Variants in ADGRB3 observed in about 807,000 individuals in gnomAD.
ADGRB3 encodes the protein brain-specific angiogenesis inhibitor 3.
ADGRB3 carries 37 observed loss-of-function variants against 193.4 expected under a neutral mutation model. The ratio of observed to expected loss-of-function variants is 0.19; its 90% CI spans 0.15 to 0.25. The LOEUF (loss-of-function observed/expected upper bound fraction) is 0.25, where lower values mean the gene tolerates loss of function less well. ADGRB3 is among the 10% of genes least tolerant of loss of function. The pLI is 1.00. For synonymous variants in ADGRB3, 690 were observed against 644.2 expected, an observed-to-expected ratio of 1.07 and a Z score of -1.08; for missense variants, 1,637 against 1,852.9, an observed-to-expected ratio of 0.88 and a Z score of 2.14.
At chr6:68,649,075 A>G (rs1768285550) in intron 3 of ADGRB3, among the ~76,000 whole-genome samples, 1 of 152,136 alleles carries the variant, frequency 6.6e-6, no homozygotes, top group Admixed American at 6.5e-5. Flanking sequence ...AGAATACTCT[A>G]AAAATCATGG....
chr6:68,644,420 A>T (rs1768155615), intron 3 of ADGRB3, among the ~76,000 whole-genome samples: 1 of 152,116 alleles, frequency 6.6e-6, no homozygotes, highest in South Asian at 2.1e-4. Context: ...AAATGGTAAG[A>T]AAATTAGCCA....
chr6:69,170,636 C>T (rs758605852), intron 17 of ADGRB3, among the ~76,000 whole-genome samples: 74 of 152,144 alleles, frequency 4.9e-4, no homozygotes, highest in Non-Finnish European at 3.8e-4. Flanking sequence ...GTAAACAATT[C>T]ACTCTGATAT....
chr6:69,283,480 C>T (rs993850517), intron 20 of ADGRB3, among the ~76,000 whole-genome samples: 3 of 152,096 alleles, frequency 2.0e-5, no homozygotes, highest in African/African-American at 7.2e-5. Flanking sequence ...CTTCTTCACT[C>T]CACCAGGCAA....
chr6:68,979,943 T>C (rs1364727524), intron 10 of ADGRB3, among the ~76,000 whole-genome samples: 1 of 151,404 alleles, frequency 6.6e-6, no homozygotes, highest in African/African-American at 2.4e-5. Context: ...TGGCAGAATG[T>C]ATGCCCCTGT....
chr6:69,227,911 A>G (rs1032791325), intron 17 of ADGRB3, among the ~76,000 whole-genome samples: 11 of 152,344 alleles, frequency 7.2e-5, no homozygotes, highest in Admixed American at 4.6e-4. Flanking sequence ...CGACAAAAAC[A>G]ATCTGTCTAG....
intron 3 of ADGRB3, among the ~76,000 whole-genome samples, chr6:68,694,980 G>A (rs910769583): frequency 1.3e-5 from 2 of 151,992 alleles, no homozygotes; most frequent in Admixed American, 6.6e-5. Context: ...CCTCTTACGA[G>A]GTAATAGGCA....
rs537887228 is a variant in ADGRB3 at position 69,374,689 on chromosome 6, A to C, written c.4275+2248A>C. ...GCTTTCTGGAAACTATACAGAAAAT[A>C]CTGTAGTGATATTCTTGTGTTCTGT... is the stretch of plus-strand genomic sequence containing the variant. On this transcript the variant is annotated intron_variant, in intron 30 of 31. Transcript: ENST00000370598. 6.6e-5 allele frequency among the ~76,000 whole-genome samples: 10 copies of C among 152,210 alleles called. No individual in the cohort carries two copies. The South Asian group carries it at 1.7e-3, about 25-fold the overall frequency.
At chr6:68,651,074 A>G (rs1467475810) in intron 3 of ADGRB3, among the ~76,000 whole-genome samples, 2 of 152,202 alleles carry the variant, frequency 1.3e-5, no homozygotes, top group East Asian at 1.9e-4. Flanking sequence ...GCAAACTTTC[A>G]AAGATCTGCC....
At chr6:68,700,358 C>CTA (rs1765221879) in intron 3 of ADGRB3, among the ~76,000 whole-genome samples, 1 of 151,842 alleles carries the variant, frequency 6.6e-6, no homozygotes, top group East Asian at 1.9e-4. Context: ...TTTCAAAACA[C>CTA]CTTTTTTTTT....
intron 17 of ADGRB3, among the ~76,000 whole-genome samples, chr6:69,191,526 A>C (rs1765186750): frequency 6.6e-6 from 1 of 152,186 alleles, no homozygotes; most frequent in Admixed American, 6.6e-5. Flanking sequence ...TGTATTATTT[A>C]TACCTATGGT....
intron 3 of ADGRB3, among the ~76,000 whole-genome samples, chr6:68,853,929 A>G (rs1173640282): frequency 1.3e-5 from 2 of 152,180 alleles, no homozygotes; most frequent in African/African-American, 2.4e-5. Flanking sequence ...TTAACCATGC[A>G]TGTGCGAAGG....
At chr6:69,182,923 A>T (rs1254451542) in intron 17 of ADGRB3, among the ~76,000 whole-genome samples, 1 of 152,100 alleles carries the variant, frequency 6.6e-6, no homozygotes, top group Non-Finnish European at 1.5e-5. Flanking sequence ...ATACCACTGG[A>T]TGAAATATTA....
intron 19 of ADGRB3, 108 bp downstream of exon 19, chr6:69,235,243 C>A: frequency 1.1e-6 from 1 of 882,898 alleles, no homozygotes; most frequent in South Asian, 1.7e-5. Flanking sequence ...TTACTGAAAG[C>A]AGTATTTTTA....
At chr6:69,364,135 A>G (rs1253273484) in intron 29 of ADGRB3, among the ~76,000 whole-genome samples, 1 of 152,056 alleles carries the variant, frequency 6.6e-6, no homozygotes, top group Non-Finnish European at 1.5e-5. Context: ...CAAGATCCTC[A>G]GGATACTTTC....
intron 26 of ADGRB3, among the ~76,000 whole-genome samples, chr6:69,350,803 G>A (rs1175685640): frequency 2.6e-5 from 4 of 151,600 alleles, no homozygotes; most frequent in African/African-American, 9.7e-5. Context: ...TTTTCTGCTT[G>A]TTTGAAACAT....
chr6:69,310,373 C>T (rs1290832856), intron 20 of ADGRB3, among the ~76,000 whole-genome samples: 2 of 151,710 alleles, frequency 1.3e-5, no homozygotes, highest in African/African-American at 4.8e-5. Context: ...GTGTAATATA[C>T]TGCTAATTTT....
chr6:69,036,015 A>G (rs1770858872), intron 13 of ADGRB3, among the ~76,000 whole-genome samples: 1 of 152,200 alleles, frequency 6.6e-6, no homozygotes. Context: ...TCAATGAAAA[A>G]GTCCAAGTAG....
At chr6:68,740,678 A>T (rs1433882844) in intron 3 of ADGRB3, among the ~76,000 whole-genome samples, 1 of 152,166 alleles carries the variant, frequency 6.6e-6, no homozygotes, top group African/African-American at 2.4e-5. Context: ...TATGCATGCA[A>T]TGGTTTTAAA....
At chr6:69,303,375 G>A (rs559197132) in intron 20 of ADGRB3, among the ~76,000 whole-genome samples, 7 of 151,760 alleles carry the variant, frequency 4.6e-5, no homozygotes, top group East Asian at 2.0e-4. Flanking sequence ...CTTCCACCTC[G>A]TCTGCCTCTT....
Sources: gnomAD v4.1 joint callset for allele counts (sites outside exome capture counted in the v4.1 genomes callset) on GRCh38, gnomAD v4.1.1 for gene constraint, MANE v1.5 for transcripts, NCBI Gene and HGNC (gene_info 2026-07-23, HGNC 2026-07-21) for gene names.